Variants in ATAD2B observed in about 807,000 individuals in gnomAD.
ATAD2B encodes ATPase family AAA domain containing 2B.
ATAD2B carries 40 observed loss-of-function variants against 167.6 expected under a neutral mutation model. That is an observed-to-expected ratio of 0.24 (90% CI 0.19 to 0.31). ATAD2B has a LOEUF of 0.31. ATAD2B is among the 10% of genes least tolerant of loss of function. The pLI, the probability that ATAD2B is intolerant of heterozygous loss-of-function variation, is 1.00. For synonymous variants in ATAD2B, 579 were observed against 596.5 expected (o/e 0.97, Z 0.43); for missense variants, 1,242 against 1,757.2 (o/e 0.71, Z 5.24).
chr2:23,844,690 C>A (rs1308098222), intron 13 of ATAD2B, among the ~76,000 whole-genome samples: 1 of 151,806 alleles, frequency 6.6e-6, no homozygotes, highest in Non-Finnish European at 1.5e-5. Flanking sequence ...AAATGAAACA[C>A]AGAAAAGATA....
At chr2:23,813,352 A>G (rs7569424) in intron 17 of ATAD2B, among the ~76,000 whole-genome samples, 17,870 of 147,936 alleles carry the variant, frequency 0.12, 1,154 homozygotes, top group Middle Eastern at 0.22. Flanking sequence ...ATGAATTATA[A>G]TATATAAGTT....
intron 1 of ATAD2B, among the ~76,000 whole-genome samples, chr2:23,921,447 T>C (rs562407185): frequency 6.6e-6 from 1 of 152,278 alleles, no homozygotes; most frequent in East Asian, 1.9e-4. Flanking sequence ...TTCTACCACT[T>C]GTCCAGCTGG....
At chr2:23,865,326 C>T (rs974201465) in intron 10 of ATAD2B, among the ~76,000 whole-genome samples, 16 of 151,960 alleles carry the variant, frequency 1.1e-4, no homozygotes, top group Non-Finnish European at 1.0e-4. Context: ...CTCAGGAGTT[C>T]GAGACCAGCC....
intron 16 of ATAD2B, 48 bp downstream of exon 16, chr2:23,823,210 T>C: frequency 7.3e-7 from 1 of 1,362,220 alleles, no homozygotes. Context: ...ATTTATTTAT[T>C]CCTGTATTTG....
the ATAD2B span, among the ~76,000 whole-genome samples, chr2:23,683,639 G>C: frequency 6.6e-6 from 1 of 152,226 alleles, no homozygotes; most frequent in Non-Finnish European, 1.5e-5. Flanking sequence ...GTGTGCAGCA[G>C]AGTGGGAGCC....
chr2:23,855,327 G>A (rs887925311), intron 13 of ATAD2B, among the ~76,000 whole-genome samples: 3 of 151,998 alleles, frequency 2.0e-5, no homozygotes, highest in African/African-American at 7.3e-5. Flanking sequence ...ACACAAAGAT[G>A]CTCAATATTA....
chr2:23,871,784 C>G (rs1300326450), intron 8 of ATAD2B, among the ~76,000 whole-genome samples: 1 of 152,110 alleles, frequency 6.6e-6, no homozygotes, highest in East Asian at 1.9e-4. Context: ...CCTTAAGATC[C>G]TTAACCCACC....
intron 14 of ATAD2B, 52 bp from the exon 15 acceptor site, chr2:23,828,991 G>A (rs367674550): frequency 2.5e-6 from 3 of 1,201,944 alleles, no homozygotes; most frequent in Non-Finnish European, 3.6e-6. Flanking sequence ...GAAAAGTACA[G>A]ATAAAATATT....
intron 12 of ATAD2B, among the ~76,000 whole-genome samples, chr2:23,859,819 G>C (rs952614374): frequency 2.6e-5 from 4 of 151,696 alleles, no homozygotes; most frequent in African/African-American, 9.7e-5. Context: ...GTGGCGGGGG[G>C]GGCACCTGTA....
chr2:23,837,213 G>A (rs1690132390), intron 13 of ATAD2B, among the ~76,000 whole-genome samples: 1 of 152,222 alleles, frequency 6.6e-6, no homozygotes, highest in Non-Finnish European at 1.5e-5. Context: ...CGCACAACCA[G>A]CCAGGCTGCA....
At chr2:23,900,000 CT>C (rs1375438652) in intron 1 of ATAD2B, among the ~76,000 whole-genome samples, 2 of 137,810 alleles carry the variant, frequency 1.5e-5, no homozygotes. Flanking sequence ...CTCACTGCAA[CT>C]TCCACCTCCC....
intron 8 of ATAD2B, among the ~76,000 whole-genome samples, chr2:23,874,407 T>A (rs1228747508): frequency 6.6e-6 from 1 of 151,740 alleles, no homozygotes; most frequent in African/African-American, 2.4e-5. Flanking sequence ...AAAAAACAAG[T>A]AACTTGAACT....
chr2:23,769,767 G>A (rs948601660), intron 22 of ATAD2B, among the ~76,000 whole-genome samples: 2 of 144,254 alleles, frequency 1.4e-5, no homozygotes, highest in African/African-American at 5.1e-5. Flanking sequence ...CCAGGCTGGA[G>A]TGCAGTGGCA....
the ATAD2B span, among the ~76,000 whole-genome samples, chr2:23,688,357 C>T: frequency 6.6e-6 from 1 of 152,182 alleles, no homozygotes; most frequent in South Asian, 2.1e-4. Context: ...CCACCACTGC[C>T]CATGGATTCC....
intron 15 of ATAD2B, among the ~76,000 whole-genome samples, chr2:23,825,432 T>C (rs1688104398): frequency 6.6e-6 from 1 of 152,196 alleles, no homozygotes; most frequent in African/African-American, 2.4e-5. Context: ...ATCTCACAAA[T>C]AATTCTTCAG....
chr2:23,843,933 CTTTGTT>C (rs931861414), intron 13 of ATAD2B, among the ~76,000 whole-genome samples: 35 of 152,166 alleles, frequency 2.3e-4, no homozygotes, highest in Admixed American at 6.5e-4. Context: ...TATCACAAAT[CTTTGTT>C]TTTGTTTTTG....
At chr2:23,691,791 C>T in the ATAD2B span, 44 of 1,551,516 alleles carry the variant, frequency 2.8e-5, no homozygotes, top group Non-Finnish European at 3.7e-5. Flanking sequence ...CCCTGGTCAT[C>T]GACTCGGCCA....
the ATAD2B span, among the ~76,000 whole-genome samples, chr2:23,728,837 T>C: frequency 6.6e-6 from 1 of 152,154 alleles, no homozygotes; most frequent in East Asian, 1.9e-4. Flanking sequence ...AAGAAGGAAA[T>C]TGTATTAGTT....
intron 17 of ATAD2B, among the ~76,000 whole-genome samples, chr2:23,814,246 T>C (rs1250639404): frequency 6.6e-6 from 1 of 152,070 alleles, no homozygotes; most frequent in Non-Finnish European, 1.5e-5. Context: ...AAAATAGAAA[T>C]AGGAAACTTT....
Sources: allele counts gnomAD v4.1 joint callset (sites outside exome capture counted in the v4.1 genomes callset), GRCh38; gene constraint gnomAD v4.1.1; transcripts MANE v1.5; gene names NCBI Gene and HGNC (gene_info 2026-07-23, HGNC 2026-07-21).